Variants in RALGPS2 observed in about 807,000 individuals in gnomAD.
RALGPS2 encodes the protein Ral GEF with PH domain and SH3 binding motif 2.
Under a neutral mutation model 86.8 loss-of-function variants are expected in RALGPS2, and 43 were observed. The ratio of observed to expected loss-of-function variants is 0.50; its 90% CI spans 0.39 to 0.64. The LOEUF is 0.64. Ranked by LOEUF, RALGPS2 falls within the 30% of genes least tolerant of loss-of-function variation. The probability of loss-of-function intolerance (pLI) is 0.00; values close to 1 mark genes in which losing one functional copy is unlikely to be tolerated. For missense variants in RALGPS2, 536 were observed against 694.6 expected, an observed-to-expected ratio of 0.77 and a Z score of 2.57; for synonymous variants, 243 against 231.3, an observed-to-expected ratio of 1.05 and a Z score of -0.46.
intron 1 of RALGPS2, among the ~76,000 whole-genome samples, chr1:178,771,741 G>T (rs1053982470): frequency 6.6e-6 from 1 of 152,034 alleles, no homozygotes; most frequent in African/African-American, 2.4e-5. Context: ...GTGTATGTTG[G>T]TTCATCTCTC....
intron 8 of RALGPS2, among the ~76,000 whole-genome samples, chr1:178,867,575 AC>A (rs1309285563): frequency 2.0e-5 from 3 of 152,110 alleles, no homozygotes; most frequent in African/African-American, 4.8e-5. Context: ...TCATGTCATA[AC>A]CACAGAGGAG....
chr1:178,840,179 C>G (rs1394954354), intron 8 of RALGPS2, among the ~76,000 whole-genome samples: 1 of 152,212 alleles, frequency 6.6e-6, no homozygotes, highest in African/African-American at 2.4e-5. Context: ...ACTCTCCACC[C>G]CAAATCAACA....
At chr1:178,870,184 A>G (rs1658662080) in intron 8 of RALGPS2, among the ~76,000 whole-genome samples, 1 of 152,158 alleles carries the variant, frequency 6.6e-6, no homozygotes, top group African/African-American at 2.4e-5. Flanking sequence ...TTAATCTTAA[A>G]TCTGTACAAG....
At chr1:178,848,155 A>G (rs1443021490) in intron 8 of RALGPS2, among the ~76,000 whole-genome samples, 1 of 151,934 alleles carries the variant, frequency 6.6e-6, no homozygotes, top group Non-Finnish European at 1.5e-5. Context: ...CAAAGAAAAT[A>G]CGAAAATTAG....
chr1:178,770,926 C>A (rs547648490), intron 1 of RALGPS2, among the ~76,000 whole-genome samples: 1 of 151,368 alleles, frequency 6.6e-6, no homozygotes, highest in Non-Finnish European at 1.5e-5. Context: ...GCAACCTCCC[C>A]GTCGCGGGAT....
chr1:178,852,674 C>A lies in RALGPS2; in HGVS notation c.607+19124C>A, dbSNP rs757495599. The A allele has an allele frequency of 7.5e-6, 12 of 1,600,234 alleles. 1 individual carries two copies. The South Asian group carries it at 1.3e-4, about 18-fold the overall frequency. ...GATTCTACAAAGAATGAAAGTTTTTCATACTTACCTGCATACATATCTTTA... is the reference window on the plus strand; with the variant it reads ...GATTCTACAAAGAATGAAAGTTTTTAATACTTACCTGCATACATATCTTTA... On this transcript the variant is annotated intron_variant, in intron 8 of 19. Coordinates refer to ENST00000367635, the MANE Select transcript of RALGPS2 (RefSeq NM_152663.5).
intron 8 of RALGPS2, among the ~76,000 whole-genome samples, chr1:178,838,459 G>A (rs542292352): frequency 5.5e-4 from 84 of 152,250 alleles, no homozygotes; most frequent in Admixed American, 1.2e-3. Flanking sequence ...CTGCAGCTGC[G>A]GGTCCTGACT....
chr1:178,878,155 G>A (rs1210722063), intron 9 of RALGPS2, among the ~76,000 whole-genome samples: 3 of 152,028 alleles, frequency 2.0e-5, no homozygotes, highest in Admixed American at 6.5e-5. Flanking sequence ...GCCAGTTTTT[G>A]TCCAACATGT....
At chr1:178,792,297 C>A (rs772000521) in intron 4 of RALGPS2, among the ~76,000 whole-genome samples, 1 of 152,128 alleles carries the variant, frequency 6.6e-6, no homozygotes, top group Non-Finnish European at 1.5e-5. Flanking sequence ...TTTTAAGGTT[C>A]TCTGAGTGCT....
chr1:178,800,688 A>G (rs150809759), intron 4 of RALGPS2, among the ~76,000 whole-genome samples: 2,186 of 152,262 alleles, frequency 0.014, 22 homozygotes, highest in Non-Finnish European at 0.021. Context: ...CAAAGGTTAT[A>G]TGTGCATAAT....
In RALGPS2 at chr1:178,859,996, C is replaced by T. The variant is rs535855391; in HGVS notation, c.608-17502C>T. Among the ~76,000 whole-genome samples the T allele has an allele frequency of 1.6e-4, 24 of 151,916 alleles. No individual in the cohort carries two copies. The South Asian group carries it at 4.2e-3, about 26-fold the overall frequency. The stretch of plus-strand genomic sequence containing the variant: ...CTACACAAAGCACTTCTACCTGTAC[C>T]CCCTCATTTAATCATCACAACAATT... On this transcript the variant is annotated intron_variant, in intron 8 of 19. Transcript: ENST00000367635.
intron 1 of RALGPS2, among the ~76,000 whole-genome samples, chr1:178,775,649 G>A (rs1298819249): frequency 2.6e-5 from 4 of 152,112 alleles, no homozygotes; most frequent in Non-Finnish European, 5.9e-5. Context: ...AAGAATATTT[G>A]ACTAGAATTT....
intron 8 of RALGPS2, among the ~76,000 whole-genome samples, chr1:178,837,656 C>T (rs1477832216): frequency 7.9e-5 from 12 of 152,152 alleles, no homozygotes; most frequent in Non-Finnish European, 2.9e-5. Context: ...GTACCGGGTT[C>T]ATCTCACTGG....
chr1:178,736,804 G>A (rs1057014210), intron 1 of RALGPS2, among the ~76,000 whole-genome samples: 1 of 152,132 alleles, frequency 6.6e-6, no homozygotes, highest in East Asian at 1.9e-4. Flanking sequence ...AGGAGGCTGA[G>A]GCTGGAGAAT....
At chr1:178,773,329 G>A (rs370182183) in intron 1 of RALGPS2, among the ~76,000 whole-genome samples, 1 of 152,046 alleles carries the variant, frequency 6.6e-6, no homozygotes, top group Non-Finnish European at 1.5e-5. Flanking sequence ...GCATGACAGA[G>A]CAAGACCCTG....
intron 17 of RALGPS2, 50 bp from the exon 18 acceptor site, chr1:178,902,056 G>C: frequency 2.1e-6 from 3 of 1,413,160 alleles, no homozygotes; most frequent in Non-Finnish European, 3.0e-6. Flanking sequence ...AGTTTTGCTA[G>C]AATAAACCAT....
At chr1:178,759,140 T>C (rs1652103521) in intron 1 of RALGPS2, among the ~76,000 whole-genome samples, 1 of 152,184 alleles carries the variant, frequency 6.6e-6, no homozygotes, top group Admixed American at 6.5e-5. Flanking sequence ...CAATAGATTT[T>C]CTCCCAGACC....
intron 1 of RALGPS2, chr1:178,753,748 A>G (rs1277915472): frequency 6.6e-6 from 1 of 152,188 alleles, no homozygotes; most frequent in Non-Finnish European, 1.5e-5. Flanking sequence ...ACCGTAAAAC[A>G]CTTCAGTTAT....
chr1:178,796,278 G>T (rs1430689017), intron 4 of RALGPS2, among the ~76,000 whole-genome samples: 2 of 151,670 alleles, frequency 1.3e-5, no homozygotes, highest in South Asian at 2.1e-4. Context: ...AAAATAGAAG[G>T]GTTTATATAT....
Sources: allele counts gnomAD v4.1 joint callset (sites outside exome capture counted in the v4.1 genomes callset), GRCh38; gene constraint gnomAD v4.1.1; transcripts MANE v1.5; gene names NCBI Gene and HGNC (gene_info 2026-07-23, HGNC 2026-07-21).